Variants in ANO3 observed in about 807,000 individuals in gnomAD.
ANO3 encodes anoctamin-3.
Under a neutral mutation model 144.8 loss-of-function variants are expected in ANO3, and 99 were observed. That is an observed-to-expected ratio of 0.68 (90% confidence interval 0.58 to 0.81). The LOEUF is 0.81. Ranked by LOEUF, ANO3 falls within the 30% of genes least tolerant of loss-of-function variation. The pLI is 0.00. For missense variants in ANO3, 905 were observed against 1,202.2 expected (o/e 0.75, Z 3.66); for synonymous variants, 414 against 392.6 (o/e 1.05, Z -0.64).
intron 3 of ANO3, among the ~76,000 whole-genome samples, chr11:26,453,980 G>A (rs552177579): frequency 2.0e-5 from 3 of 152,030 alleles, no homozygotes; most frequent in African/African-American, 7.2e-5. Context: ...ATGACTACTG[G>A]GTATATAACG....
intron 24 of ANO3, among the ~76,000 whole-genome samples, chr11:26,654,476 A>C (rs2133091431): frequency 6.6e-6 from 1 of 152,226 alleles, no homozygotes; most frequent in Admixed American, 6.5e-5. Context: ...AGTGACCTTG[A>C]TAAATTCACT....
At chr11:26,614,196 G>A (rs1265929550) in intron 17 of ANO3, among the ~76,000 whole-genome samples, 1 of 152,184 alleles carries the variant, frequency 6.6e-6, no homozygotes, top group East Asian at 1.9e-4. Context: ...TTCAACATAG[G>A]ACTGGCTGTC....
intron 1 of ANO3, among the ~76,000 whole-genome samples, chr11:26,350,103 C>T (rs1478473036): frequency 6.6e-6 from 1 of 150,518 alleles, no homozygotes; most frequent in Non-Finnish European, 1.5e-5. Flanking sequence ...AGAAACAGAT[C>T]TATGTGGAGA....
chr11:26,617,908 A>T (rs912757411), intron 17 of ANO3, among the ~76,000 whole-genome samples: 6 of 152,220 alleles, frequency 3.9e-5, no homozygotes, highest in African/African-American at 1.4e-4. Flanking sequence ...ATACAGGATT[A>T]ACCTATGGAT....
intron 5 of ANO3, among the ~76,000 whole-genome samples, chr11:26,509,665 G>GA (rs915322880): frequency 1.2e-4 from 18 of 149,742 alleles, no homozygotes; most frequent in Admixed American, 4.7e-4. Context: ...CAAGGTAAAG[G>GA]AAAAAAAAAC....
chr11:26,259,595 A>T (rs546683590), intron 1 of ANO3, among the ~76,000 whole-genome samples: 1 of 48,982 alleles, frequency 2.0e-5, no homozygotes, highest in South Asian at 8.2e-4. Context: ...GGGGGGGCAG[A>T]GGGGCAGAGG....
chr11:26,634,173 C>A, intron 18 of ANO3, 31 bp from the exon 19 acceptor site: 1 of 1,424,918 alleles, frequency 7.0e-7, no homozygotes. Flanking sequence ...CCTCACCTCA[C>A]CTGTGTCAAT....
intron 12 of ANO3, among the ~76,000 whole-genome samples, chr11:26,549,207 T>C (rs397696): frequency 0.66 from 100,111 of 151,808 alleles, 33,307 homozygotes; most frequent in East Asian, 0.83. Context: ...CTCTAACCTT[T>C]GGTACAAGGA....
chr11:26,264,251 A>C (rs1853258203), intron 1 of ANO3, among the ~76,000 whole-genome samples: 1 of 152,224 alleles, frequency 6.6e-6, no homozygotes, highest in African/African-American at 2.4e-5. Flanking sequence ...CAATCTATTG[A>C]ATAATTTTAA....
At chr11:26,340,156 T>G (rs1855318028) in intron 1 of ANO3, among the ~76,000 whole-genome samples, 1 of 151,522 alleles carries the variant, frequency 6.6e-6, no homozygotes, top group South Asian at 2.1e-4. Flanking sequence ...CAAAGGCATT[T>G]CCTAAAAATA....
chr11:26,658,709 T>C (rs1853776922), intron 26 of ANO3, among the ~76,000 whole-genome samples: 1 of 152,200 alleles, frequency 6.6e-6, no homozygotes, highest in Admixed American at 6.5e-5. Context: ...TCCTATACCC[T>C]TGAGGCACAT....
chr11:26,482,910 C>T (rs1043862393), intron 4 of ANO3, among the ~76,000 whole-genome samples: 4 of 152,014 alleles, frequency 2.6e-5, no homozygotes, highest in Non-Finnish European at 5.9e-5. Context: ...TCCATGTTGC[C>T]GCAAAAGACA....
At position 26,487,727 on chromosome 11, in the gene ANO3, C is replaced by T. The variant is rs78035835; in HGVS notation, c.433-20377C>T. ...ACTGGAGCAAAGGTGACTCCTGTTA[C>T]GTCACCAAAGAGACTGGTGGCATTT... On this transcript the variant is annotated intron_variant, in intron 4 of 26. Transcript: ENST00000256737. 9.0e-4 allele frequency among the ~76,000 whole-genome samples: 137 copies of T among 152,240 alleles called. 3 individuals are homozygous for T. The East Asian group carries it at 0.017, about 19-fold the overall frequency.
At chr11:26,418,099 T>C (rs1410204324) in intron 1 of ANO3, among the ~76,000 whole-genome samples, 1 of 152,092 alleles carries the variant, frequency 6.6e-6, no homozygotes, top group African/African-American at 2.4e-5. Flanking sequence ...AAAAGATGTA[T>C]AAATTTTCAG....
exon 1 of ANO3, chr11:26,189,220 G>A: frequency 1.0e-6 from 1 of 985,188 alleles, no homozygotes; most frequent in Non-Finnish European, 1.2e-6. Context: ...TCTCCTGAAG[G>A]CTTCAGACAT....
intron 4 of ANO3, among the ~76,000 whole-genome samples, chr11:26,471,315 T>C (rs1046762964): frequency 2.0e-5 from 3 of 151,958 alleles, no homozygotes; most frequent in African/African-American, 4.8e-5. Context: ...AAGGCAGCTC[T>C]AAATTGTGTG....
At chr11:26,271,797 T>G (rs1853445473) in intron 1 of ANO3, among the ~76,000 whole-genome samples, 1 of 151,134 alleles carries the variant, frequency 6.6e-6, no homozygotes, top group Admixed American at 6.6e-5. Context: ...CAGTAATTTG[T>G]ATATCTGAGA....
At chr11:26,453,140 G>C (rs541779472) in intron 3 of ANO3, among the ~76,000 whole-genome samples, 1 of 152,266 alleles carries the variant, frequency 6.6e-6, no homozygotes, top group East Asian at 1.9e-4. Flanking sequence ...AAAATGTAAA[G>C]ACCATTGAGA....
At chr11:26,471,590 A>C (rs2134071149) in intron 4 of ANO3, among the ~76,000 whole-genome samples, 1 of 151,580 alleles carries the variant, frequency 6.6e-6, no homozygotes, top group East Asian at 1.9e-4. Flanking sequence ...ACCATCACAA[A>C]ACAAATAAAA....
Sources: allele counts gnomAD v4.1 joint callset (sites outside exome capture counted in the v4.1 genomes callset), GRCh38; gene constraint gnomAD v4.1.1; transcripts MANE v1.5; gene names NCBI Gene and HGNC (gene_info 2026-07-23, HGNC 2026-07-21).